The following PRSS12 variants were observed in gnomAD, a reference collection of about 807,000 sequenced individuals.
The protein encoded by PRSS12 is neurotrypsin.
A neutral mutation model predicts 104.4 loss-of-function variants in PRSS12; 85 were observed. The ratio of observed to expected loss-of-function variants is 0.81; its 90% confidence interval spans 0.68 to 0.98. PRSS12 has a LOEUF of 0.98. Ranked by LOEUF, PRSS12 falls within the 50% of genes least tolerant of loss-of-function variation. PRSS12 has a pLI of 0.00. For synonymous variants in PRSS12, 454 were observed against 425.2 expected (o/e 1.07, Z -0.83); for missense variants, 1,141 against 1,139.2 (o/e 1.00, Z -0.02).
chr4:118,294,853 C>T, intron 11 of PRSS12, 86 bp downstream of exon 11: 1 of 1,561,668 alleles, frequency 6.4e-7, no homozygotes, highest in Admixed American at 1.7e-5. Context: ...CTGGCTCTGA[C>T]ACCTTGAGTG....
intron 1 of PRSS12, 101 bp downstream of exon 1, chr4:118,352,118 A>C: frequency 6.6e-7 from 1 of 1,521,482 alleles, no homozygotes; most frequent in Non-Finnish European, 8.8e-7. Flanking sequence ...CCACAACCCC[A>C]CACACCCCGT....
intron 9 of PRSS12, 50 bp from the exon 10 acceptor site, chr4:118,295,906 G>T: frequency 6.7e-7 from 1 of 1,502,826 alleles, no homozygotes; most frequent in South Asian, 1.1e-5. Flanking sequence ...CTGACAGAGG[G>T]GTAAGACGAT....
chr4:118,348,793 A>G (rs1724418277), intron 1 of PRSS12, among the ~76,000 whole-genome samples: 1 of 152,034 alleles, frequency 6.6e-6, no homozygotes, highest in Non-Finnish European at 1.5e-5. Context: ...CTGGGATTAC[A>G]TGCATGTGCC....
intron 4 of PRSS12, 115 bp downstream of exon 4, chr4:118,331,601 T>G (rs563942194): frequency 1.4e-6 from 2 of 1,387,158 alleles, no homozygotes; most frequent in Admixed American, 3.9e-5. Flanking sequence ...GATCAAAAGG[T>G]AACTTGTCCC....
At chr4:118,292,211 C>G (rs1225063198) in intron 11 of PRSS12, among the ~76,000 whole-genome samples, 1 of 152,112 alleles carries the variant, frequency 6.6e-6, no homozygotes, top group East Asian at 1.9e-4. Flanking sequence ...CATCAGTGTC[C>G]TTTATCAGTT....
intron 1 of PRSS12, among the ~76,000 whole-genome samples, chr4:118,349,196 G>T (rs571190229): frequency 1.3e-5 from 2 of 151,986 alleles, no homozygotes; most frequent in Non-Finnish European, 2.9e-5. Flanking sequence ...TTTAAAGGAG[G>T]GATCACATTA....
In PRSS12 at chr4:118,352,413, G is replaced by C. The variant is rs1008018770; in HGVS notation, c.308C>G (p.Thr103Arg). 6.5e-7 allele frequency: 1 copy of C among 1,534,284 alleles called. No homozygotes were observed. Among genetic ancestry groups the C allele is most frequent in the Non-Finnish European group, 8.7e-7 (1 of 1,144,682 alleles). The change falls in exon 1 of 13, where the codon ACG becomes AGG. Residue 103 changes from threonine (T) to arginine (R), a missense_variant. Transcript: ENST00000296498. ...CPAGEPWVSV[T>R]DFGAPCLRWA... ...CCGCAGACACGGGGCGCCGAAGTCC[G>C]TCACGCTGACCCATGGCTCGCCGGC...
At chr4:118,322,476 G>A (rs1244234843) in intron 4 of PRSS12, among the ~76,000 whole-genome samples, 2 of 151,966 alleles carry the variant, frequency 1.3e-5, no homozygotes, top group African/African-American at 4.8e-5. Context: ...AACCTTGGAG[G>A]TGGAGGTTGC....
At chr4:118,287,053 A>T (rs35909687) in intron 11 of PRSS12, among the ~76,000 whole-genome samples, 9,294 of 152,312 alleles carry the variant, frequency 0.061, 384 homozygotes, top group Non-Finnish European at 0.093. Flanking sequence ...CTGAGAATAA[A>T]AATATTTACC....
At chr4:118,310,604 AC>A (rs1456574296) in intron 7 of PRSS12, among the ~76,000 whole-genome samples, 1 of 152,232 alleles carries the variant, frequency 6.6e-6, no homozygotes, top group Non-Finnish European at 1.5e-5. Flanking sequence ...GAAAAGCTAA[AC>A]AATCATATTG....
At chr4:118,294,918 T>A (rs1353639267) in intron 11 of PRSS12, 21 bp downstream of exon 11, 1 of 1,613,670 alleles carries the variant, frequency 6.2e-7, no homozygotes, top group East Asian at 2.2e-5. Context: ...CACTAGGTTG[T>A]TTGGGAAGGT....
rs28713634 is a variant in PRSS12 at position 118,297,635 on chromosome 4, T to C, written c.1837+1098A>G. Among the ~76,000 whole-genome samples, 1,027 of 152,198 alleles carry C rather than the reference T, an allele frequency of 6.7e-3. 11 individuals are homozygous for C. Among genetic ancestry groups the C allele is most frequent in the African/African-American group, 0.023 (966 of 41,536 alleles). ...AAAGAATCATATTAACGACATCCAA[T>C]TCACTTATTGCATTGTCTTTGGCAG... On this transcript the variant is annotated intron_variant, in intron 9 of 12. Transcript: ENST00000296498.
At chr4:118,294,822 CAAGCAGCGA>C in intron 11 of PRSS12, 108 bp downstream of exon 11, 1 of 1,417,002 alleles carries the variant, frequency 7.1e-7, no homozygotes, top group Non-Finnish European at 9.9e-7. Flanking sequence ...GCTGCTGGCA[CAAGCAGCGA>C]AAGCTCATAG....
Position 118,281,546 on chromosome 4 carries a change from G to A in PRSS12, c.*390C>T, listed in dbSNP as rs1560760967. On this transcript the variant is annotated 3_prime_UTR_variant, in exon 13 of 13. Transcript: ENST00000296498. ...ACTCATGAGTGTAGTAAAGGGTACC[G>A]CATTTATGTCAAATGTGGGTATTTA... The A allele has an allele frequency of 3.5e-6, 1 of 286,912 alleles. No individual in the cohort carries two copies. The highest frequency in any genetic ancestry group is 6.8e-6 in the Non-Finnish European group (1 of 146,340). The allele number at this position is 286,912 out of a possible 1,614,324, so 17.8% of individuals were successfully genotyped here.
Position 118,316,253 on chromosome 4 carries a change from C to T in PRSS12, c.1221G>A (p.Gln407=). 6.2e-7 allele frequency: 1 copy of T among 1,614,154 alleles called. No individual in the cohort carries two copies. The highest frequency in any genetic ancestry group is 8.5e-7 in the Non-Finnish European group (1 of 1,180,020). Residue 407 remains glutamine (Q), a synonymous_variant, in exon 6 of 13, where the codon CAG becomes CAA. Coordinates refer to ENST00000296498, the MANE Select transcript of PRSS12 (RefSeq NM_003619.4). ...AGCCATCATCACAGACAGTTCCCCA[C>T]TGGCCTCTGTAATATACCTCCAAGC... ...EGRLEVYYRG[Q]WGTVCDDGWT...
At chr4:118,301,114 C>T (rs1743396100) in intron 8 of PRSS12, among the ~76,000 whole-genome samples, 1 of 151,746 alleles carries the variant, frequency 6.6e-6, no homozygotes, top group Non-Finnish European at 1.5e-5. Flanking sequence ...TCTTGTCTGT[C>T]TGAAATTTAT....
At position 118,281,387 on chromosome 4, in the gene PRSS12, T is replaced by TTTAC; in HGVS notation, c.*545_*548dup. 1 of 162,446 alleles carries TTTAC rather than the reference T, an allele frequency of 6.2e-6. No homozygotes were observed. The highest frequency in any genetic ancestry group is 5.7e-5 in the Admixed American group (1 of 17,634). The allele number at this position is 162,446 out of a possible 1,614,324, so 10.1% of individuals were successfully genotyped here. On this transcript the variant is annotated 3_prime_UTR_variant, in exon 13 of 13. Coordinates refer to ENST00000296498, the MANE Select transcript of PRSS12 (RefSeq NM_003619.4). ...TGTGACAGGCAGATGTCCTTGAGGC[T>TTTAC]TTACTACTCCTATTCAGGCCTAAAA...
At chr4:118,344,597 A>G (rs1724305682) in intron 1 of PRSS12, among the ~76,000 whole-genome samples, 1 of 152,194 alleles carries the variant, frequency 6.6e-6, no homozygotes, top group South Asian at 2.1e-4. Context: ...TGCCTCCATT[A>G]GTTCACATCT....
chr4:118,311,355 T>TCTCAAAGTTAA (rs1743720860), intron 7 of PRSS12, among the ~76,000 whole-genome samples: 1 of 152,108 alleles, frequency 6.6e-6, no homozygotes. Flanking sequence ...AAGTTTCCCT[T>TCTCAAAGTTAA]GACATATAAA....
Sources: allele counts gnomAD v4.1 joint callset (sites outside exome capture counted in the v4.1 genomes callset), GRCh38; gene constraint gnomAD v4.1.1; transcripts MANE v1.5; gene names NCBI Gene and HGNC (gene_info 2026-07-23, HGNC 2026-07-21).